Variants in LRRC59 observed in about 807,000 individuals in gnomAD.
The protein encoded by LRRC59 is leucine rich repeat containing 59.
LRRC59 carries 18 observed loss-of-function variants against 33.5 expected under a neutral mutation model. The ratio of observed to expected loss-of-function variants is 0.54; its 90% CI spans 0.37 to 0.80. LRRC59 has a LOEUF of 0.80. LRRC59 is among the 30% of genes least tolerant of loss of function. The pLI, the probability that LRRC59 is intolerant of heterozygous loss-of-function variation, is 0.00. For missense variants in LRRC59, 330 were observed against 391.9 expected (o/e 0.84, Z 1.33); for synonymous variants, 138 against 160.0 (o/e 0.86, Z 1.04).
At chr17:50,396,115 C>G (rs1221014945) in intron 1 of LRRC59, 1 of 152,200 alleles carries the variant, frequency 6.6e-6, no homozygotes. Flanking sequence ...TAAGGATCCT[C>G]TGGCAACCTG....
chr17:50,396,256 G>A (rs1598371747), intron 1 of LRRC59: 1 of 152,296 alleles, frequency 6.6e-6, no homozygotes, highest in Non-Finnish European at 1.5e-5. Context: ...CCATTACAAT[G>A]GTATTTAACC....
intron 2 of LRRC59, 152 bp from the exon 3 acceptor site, chr17:50,393,049 C>G (rs528366746): frequency 1.4e-6 from 1 of 705,058 alleles, no homozygotes; most frequent in African/African-American, 1.8e-5. Context: ...CATGTGTAGC[C>G]CAAGACAACT....
At chr17:50,388,186 A>T in intron 4 of LRRC59, 54 bp from the exon 5 acceptor site, 1 of 1,531,594 alleles carries the variant, frequency 6.5e-7, no homozygotes, top group Non-Finnish European at 9.0e-7. Flanking sequence ...TTGCTCAGGG[A>T]AGTCTCAAAA....
chr17:50,386,640 G>A (rs945857668), intron 5 of LRRC59, among the ~76,000 whole-genome samples: 5 of 152,200 alleles, frequency 3.3e-5, no homozygotes, highest in African/African-American at 1.2e-4. Flanking sequence ...GCCACTGAGA[G>A]GTGAAGGCAA....
chr17:50,382,765 G>GCCCCCCCCCC lies in LRRC59; in HGVS notation c.*222_*223insGGGGGGGGGG. On this transcript the variant is annotated 3_prime_UTR_variant, in exon 7 of 7. Transcript: ENST00000225972. ...TACTCCTTTAGGCATGCAGGTAACT[G>GCCCCCCCCCC]CCCCCCACGCCCCCCCGCCACCTCC... 1.9e-6 allele frequency: 1 copy of GCCCCCCCCCC among 536,428 alleles called. No homozygotes were observed. Among genetic ancestry groups the GCCCCCCCCCC allele is most frequent in the South Asian group, 2.5e-5 (1 of 40,366 alleles). The allele number at this position is 536,428 out of a possible 1,614,324, so 33.2% of individuals were successfully genotyped here. A position where few individuals can be genotyped will look rare whatever the true frequency, so the allele number is the denominator to read the frequency against.
At chr17:50,388,163 T>C (rs1159490706) in intron 4 of LRRC59, 31 bp from the exon 5 acceptor site, 1 of 1,597,098 alleles carries the variant, frequency 6.3e-7, no homozygotes, top group East Asian at 2.2e-5. Flanking sequence ...AGTAGTGCTC[T>C]TCATAGTCAT....
intron 5 of LRRC59, 39 bp downstream of exon 5, chr17:50,388,021 A>C (rs2143361083): frequency 1.9e-6 from 3 of 1,599,506 alleles, no homozygotes; most frequent in East Asian, 2.2e-5. Flanking sequence ...GGCTGGGATG[A>C]GGACCTGAAA....
Position 50,395,005 on chromosome 17 carries a change from G to T in LRRC59, c.106-17C>A. 1 of 1,593,278 alleles carries T rather than the reference G, an allele frequency of 6.3e-7. No homozygotes were observed. Among genetic ancestry groups the T allele is most frequent in the South Asian group, 1.1e-5 (1 of 90,248 alleles). ...AAGGGCAGCCTAGGTAAAAGAGGATGAGAAAAACATGTCAGACCAACATCT... is the reference window on the plus strand; with the variant it reads ...AAGGGCAGCCTAGGTAAAAGAGGATTAGAAAAACATGTCAGACCAACATCT... On this transcript the variant is annotated splice_polypyrimidine_tract_variant and intron_variant, in intron 1 of 6. Coordinates refer to ENST00000225972, the MANE Select transcript of LRRC59 (RefSeq NM_018509.4).
chr17:50,392,221 ATAAAG>A (rs1350178432), intron 4 of LRRC59, among the ~76,000 whole-genome samples, 172 bp downstream of exon 4: 5 of 152,268 alleles, frequency 3.3e-5, no homozygotes, highest in Admixed American at 3.3e-4. Context: ...AAACAAAAAG[ATAAAG>A]TAAATGCAGA....
chr17:50,385,595 G>C (rs10491145), intron 5 of LRRC59, among the ~76,000 whole-genome samples: 22,212 of 152,144 alleles, frequency 0.15, 2,216 homozygotes, highest in Middle Eastern at 0.29. Flanking sequence ...TGCTCCTCTA[G>C]AATTAGGTAC....
rs767003269 is a variant in LRRC59 at position 50,395,000 on chromosome 17, A to G, written c.106-12T>C. 11 of 1,603,080 alleles carry G rather than the reference A, an allele frequency of 6.9e-6. No homozygotes were observed. In the Admixed American group the frequency reaches 1.8e-4, roughly 27 times the overall value. ...TTTGGAAGGGCAGCCTAGGTAAAAG[A>G]GGATGAGAAAAACATGTCAGACCAA... is the stretch of plus-strand genomic sequence containing the variant. On this transcript the variant is annotated splice_polypyrimidine_tract_variant and intron_variant, in intron 1 of 6. Transcript: ENST00000225972.
In LRRC59 at chr17:50,382,862, A is replaced by G. The variant is rs1913901279; in HGVS notation, c.*126T>C. The G allele has an allele frequency of 2.5e-6, 3 of 1,223,218 alleles. No homozygotes were observed. Among genetic ancestry groups the G allele is most frequent in the Non-Finnish European group, 3.4e-6 (3 of 882,424 alleles). 75.8% of individuals were successfully genotyped at this position (1,223,218 alleles called of 1,614,324 possible). On this transcript the variant is annotated 3_prime_UTR_variant, in exon 7 of 7. Coordinates refer to ENST00000225972, the MANE Select transcript of LRRC59 (RefSeq NM_018509.4). ...GTCCTACAAAGAGGAGGTCTCATGTACCAATCTGCAGCCATTTGATGATGG... is the reference window on the plus strand; with the variant it reads ...GTCCTACAAAGAGGAGGTCTCATGTGCCAATCTGCAGCCATTTGATGATGG...
rs1914312960 is a variant in LRRC59 at position 50,397,514 on chromosome 17, C to G, written c.-197G>C. On this transcript the variant is annotated 5_prime_UTR_variant, in exon 1 of 7. Coordinates refer to ENST00000225972, the MANE Select transcript of LRRC59 (RefSeq NM_018509.4). ...GCTCCCACCGGTGCCGCGACGACGA[C>G]CACTTCCGTGTCCACGTCACCTTCC... 2.0e-6 allele frequency: 1 copy of G among 503,260 alleles called. No individual in the cohort carries two copies. The highest frequency in any genetic ancestry group is 2.0e-5 in the African/African-American group (1 of 49,224). The allele number at this position is 503,260 out of a possible 1,614,324, so 31.2% of individuals were successfully genotyped here.
At chr17:50,388,839 T>A (rs986141994) in intron 4 of LRRC59, among the ~76,000 whole-genome samples, 4 of 152,104 alleles carry the variant, frequency 2.6e-5, no homozygotes, top group African/African-American at 9.7e-5. Flanking sequence ...CTCCATCTAC[T>A]CCTGTGGAAT....
intron 3 of LRRC59, 53 bp from the exon 4 acceptor site, chr17:50,392,555 A>G (rs973072700): frequency 9.7e-5 from 147 of 1,511,070 alleles, no homozygotes; most frequent in Non-Finnish European, 1.3e-4. Flanking sequence ...GTTCACATAC[A>G]TAGTCCCTCA....
chr17:50,394,174 G>A (rs541959967), intron 2 of LRRC59, among the ~76,000 whole-genome samples: 2 of 152,246 alleles, frequency 1.3e-5, no homozygotes, highest in Admixed American at 6.5e-5. Context: ...TTCTGAATTC[G>A]ACCTCTGAGC....
rs184353656 is a variant in LRRC59, at chr17:50,393,002, G to A, written c.166-105C>T. On this transcript the variant is annotated intron_variant, in intron 2 of 6. Transcript: ENST00000225972. ...TTTGTAACCTTTCTTAAAACATTAC[G>A]AGATTTTTTTTCCTTTTTCAGCTCA... The A allele has an allele frequency of 3.6e-5, 42 of 1,153,070 alleles. No homozygotes were observed. In the East Asian group the frequency reaches 9.1e-4, roughly 25 times the overall value. 71.4% of individuals were successfully genotyped at this position (1,153,070 alleles called of 1,614,324 possible).
intron 5 of LRRC59, among the ~76,000 whole-genome samples, chr17:50,385,505 C>T (rs1217988765): frequency 2.0e-5 from 3 of 152,104 alleles, no homozygotes; most frequent in South Asian, 2.1e-4. Context: ...TTTCTGATTA[C>T]GAGGTTCCTA....
At chr17:50,383,772 A>AT (rs1913935819) in intron 6 of LRRC59, among the ~76,000 whole-genome samples, 1 of 151,990 alleles carries the variant, frequency 6.6e-6, no homozygotes, top group South Asian at 2.1e-4. Context: ...AATTCTTTGC[A>AT]ATGAACATAT....
Sources: gnomAD v4.1 joint callset for allele counts (sites outside exome capture counted in the v4.1 genomes callset) on GRCh38, gnomAD v4.1.1 for gene constraint, MANE v1.5 for transcripts, NCBI Gene and HGNC (gene_info 2026-07-23, HGNC 2026-07-21) for gene names.